Variants in PEX5L observed in about 807,000 individuals in gnomAD.
PEX5L encodes peroxisomal biogenesis factor 5 like, also known as PEX5-related protein.
In PEX5L, 30 loss-of-function variants were observed where a neutral mutation model predicts 84.0. The ratio of observed to expected loss-of-function variants is 0.36; its 90% confidence interval spans 0.27 to 0.48. The LOEUF (loss-of-function observed/expected upper bound fraction) is 0.48, where lower values mean the gene tolerates loss of function less well. Among genes scored for constraint, PEX5L ranks in the 20% least tolerant of loss-of-function variants. The probability of loss-of-function intolerance (pLI) is 0.99; values close to 1 mark genes in which losing one functional copy is unlikely to be tolerated. For missense variants in PEX5L, 533 were observed against 754.6 expected, an observed-to-expected ratio of 0.71 and a Z score of 3.44; for synonymous variants, 270 against 283.1, an observed-to-expected ratio of 0.95 and a Z score of 0.46.
chr3:179,980,660 G>A (rs1372140343), intron 1 of PEX5L, among the ~76,000 whole-genome samples: 3 of 152,158 alleles, frequency 2.0e-5, no homozygotes, highest in African/African-American at 7.2e-5. Context: ...ACTCTTCTGA[G>A]CTACAAGATA....
At chr3:179,880,961 T>C (rs1753964187) in intron 4 of PEX5L, 1 of 152,320 alleles carries the variant, frequency 6.6e-6, no homozygotes, top group African/African-American at 2.4e-5. Flanking sequence ...CCTACAGCTC[T>C]ACCTTTCCAC....
chr3:179,875,212 T>G (rs13091962), intron 6 of PEX5L, 142 bp downstream of exon 6: 76,348 of 697,432 alleles, frequency 0.11, 4,987 homozygotes, highest in Non-Finnish European at 0.14. Context: ...TTTGAGTTGG[T>G]AGAAGCCACA....
In PEX5L at chr3:179,926,264, C is replaced by T. The variant is rs148009561; in HGVS notation, c.94-28018G>A. 5.2e-3 allele frequency among the ~76,000 whole-genome samples: 787 copies of T among 152,250 alleles called. 7 individuals carry two copies. Among genetic ancestry groups the T allele is most frequent in the African/African-American group, 0.018 (740 of 41,530 alleles). Reference sequence around the variant, plus strand: ...TTTCCATCTGACCCCACAGTGCTCTCCTTAACAACCAGAGGAAAAGGCAAA... The same window carrying T: ...TTTCCATCTGACCCCACAGTGCTCTTCTTAACAACCAGAGGAAAAGGCAAA... On this transcript the variant is annotated intron_variant, in intron 2 of 14. Transcript: ENST00000467460.
At chr3:179,932,624 T>C (rs796086147) in intron 2 of PEX5L, among the ~76,000 whole-genome samples, 7 of 152,326 alleles carry the variant, frequency 4.6e-5, no homozygotes, top group African/African-American at 1.7e-4. Flanking sequence ...TTGATTCTTA[T>C]TTAAAATTGG....
rs1179148576 is a variant in PEX5L at position 179,797,589 on chromosome 3, T to TAAAAAAA, written c.*4232_*4238dup. 8.4e-6 allele frequency: 1 copy of TAAAAAAA among 118,730 alleles called. No individual in the cohort carries two copies. The highest frequency in any genetic ancestry group is 1.7e-5 in the Non-Finnish European group (1 of 59,200). The allele number at this position is 118,730 out of a possible 1,614,324, so 7.4% of individuals were successfully genotyped here. A position where few individuals can be genotyped will look rare whatever the true frequency, so the allele number is the denominator to read the frequency against. On this transcript the variant is annotated 3_prime_UTR_variant, in exon 15 of 15. Transcript: ENST00000467460. ...CCAGAGTTTATCTATGAACACTCTT[T>TAAAAAAA]AAAAAAAAAAAAAAAAATATATATA...
chr3:179,846,934 C>T (rs1224593278), intron 8 of PEX5L, among the ~76,000 whole-genome samples: 7 of 152,096 alleles, frequency 4.6e-5, no homozygotes, highest in Non-Finnish European at 8.8e-5. Flanking sequence ...GATCTAGAGA[C>T]ATCTCAGCCT....
chr3:179,897,651 A>G (rs1224828179), intron 3 of PEX5L, among the ~76,000 whole-genome samples: 2 of 152,130 alleles, frequency 1.3e-5, no homozygotes, highest in African/African-American at 4.8e-5. Flanking sequence ...TTAGTTATCC[A>G]CATAAATATG....
intron 2 of PEX5L, among the ~76,000 whole-genome samples, chr3:179,913,451 C>T (rs1765887732): frequency 6.6e-6 from 1 of 152,072 alleles, no homozygotes; most frequent in African/African-American, 2.4e-5. Flanking sequence ...TCAGTAAAAA[C>T]TTAACCTAAT....
At chr3:179,857,670 T>C (rs1450614363) in intron 8 of PEX5L, among the ~76,000 whole-genome samples, 1 of 152,232 alleles carries the variant, frequency 6.6e-6, no homozygotes, top group African/African-American at 2.4e-5. Flanking sequence ...TACAGATACA[T>C]TTAAATGTCT....
chr3:179,858,941 T>A, intron 8 of PEX5L, 121 bp downstream of exon 8: 1 of 655,010 alleles, frequency 1.5e-6, no homozygotes, highest in Non-Finnish European at 2.8e-6. Context: ...ACAATCATAA[T>A]CATGGCTATT....
chr3:179,934,358 A>G (rs1773988633), intron 2 of PEX5L, among the ~76,000 whole-genome samples: 1 of 152,220 alleles, frequency 6.6e-6, no homozygotes, highest in African/African-American at 2.4e-5. Context: ...AAACCAGGCT[A>G]TTTAGGGAAA....
At chr3:179,973,275 C>A in intron 1 of PEX5L, 1 of 1,288,556 alleles carries the variant, frequency 7.8e-7, no homozygotes, top group South Asian at 1.2e-5. Flanking sequence ...ATGCCACTGG[C>A]AGTGGCTTCC....
At position 179,964,456 on chromosome 3, in the gene PEX5L, A is replaced by C. The variant is rs533864567; in HGVS notation, c.93+7138T>G. On this transcript the variant is annotated intron_variant, in intron 2 of 14. Coordinates refer to ENST00000467460, the MANE Select transcript of PEX5L (RefSeq NM_016559.3). The stretch of plus-strand genomic sequence containing the variant: ...AACAAAAGTTGACAAATGGGACCTA[A>C]TTAAACTAAAGAGCTTCTGCACAGC... 2.0e-5 allele frequency among the ~76,000 whole-genome samples: 3 copies of C among 152,334 alleles called. No individual in the cohort carries two copies. The South Asian group carries it at 6.2e-4, about 32-fold the overall frequency.
intron 10 of PEX5L, among the ~76,000 whole-genome samples, chr3:179,814,548 C>A (rs1190255172): frequency 6.6e-6 from 1 of 152,176 alleles, no homozygotes; most frequent in Non-Finnish European, 1.5e-5. Flanking sequence ...CCGGTCGCTA[C>A]AATTTCTGCA....
intron 1 of PEX5L, among the ~76,000 whole-genome samples, chr3:179,982,069 A>G (rs180899366): frequency 1.3e-5 from 2 of 152,324 alleles, no homozygotes; most frequent in African/African-American, 2.4e-5. Flanking sequence ...GAACTAGTTG[A>G]TTCCCTTGCA....
At chr3:179,919,560 G>A (rs143627974) in intron 2 of PEX5L, among the ~76,000 whole-genome samples, 18 of 152,166 alleles carry the variant, frequency 1.2e-4, no homozygotes, top group South Asian at 4.2e-4. Flanking sequence ...CGAGTAATTC[G>A]TCTGCAAATA....
At chr3:179,807,914 A>C in intron 13 of PEX5L, 83 bp from the exon 14 acceptor site, 1 of 1,288,166 alleles carries the variant, frequency 7.8e-7, no homozygotes, top group Non-Finnish European at 1.1e-6. Flanking sequence ...CAGAGAAAGG[A>C]AGATGGCTAA....
At chr3:179,815,753 C>T in intron 10 of PEX5L, 108 bp downstream of exon 10, 2 of 1,245,426 alleles carry the variant, frequency 1.6e-6, no homozygotes, top group Non-Finnish European at 2.3e-6. Flanking sequence ...GTTAACTCCT[C>T]TGGGAACCTT....
At chr3:179,845,525 T>A (rs1457111762) in intron 8 of PEX5L, among the ~76,000 whole-genome samples, 2 of 152,170 alleles carry the variant, frequency 1.3e-5, no homozygotes, top group Non-Finnish European at 2.9e-5. Context: ...TTAATATACA[T>A]TAAAACAGAT....
Sources: gnomAD v4.1 joint callset for allele counts (sites outside exome capture counted in the v4.1 genomes callset) on GRCh38, gnomAD v4.1.1 for gene constraint, MANE v1.5 for transcripts, NCBI Gene and HGNC (gene_info 2026-07-23, HGNC 2026-07-21) for gene names.